Variants in MAGI1 observed in about 807,000 individuals in gnomAD.
MAGI1 encodes the protein membrane-associated guanylate kinase, WW and PDZ domain-containing protein 1.
Under a neutral mutation model 139.9 loss-of-function variants are expected in MAGI1, and 58 were observed. The ratio of observed to expected loss-of-function variants is 0.41; its 90% CI spans 0.34 to 0.52. The LOEUF (loss-of-function observed/expected upper bound fraction) is 0.52, where lower values mean the gene tolerates loss of function less well. Ranked by LOEUF, MAGI1 falls within the 20% of genes least tolerant of loss-of-function variation. The pLI, the probability that MAGI1 is intolerant of heterozygous loss-of-function variation, is 0.12. For synonymous variants in MAGI1, 812 were observed against 737.9 expected, an observed-to-expected ratio of 1.10 and a Z score of -1.63; for missense variants, 1,874 against 1,901.6, an observed-to-expected ratio of 0.99 and a Z score of 0.27.
At chr3:65,465,437 T>A (rs962527616) in intron 5 of MAGI1, among the ~76,000 whole-genome samples, 28 of 152,076 alleles carry the variant, frequency 1.8e-4, no homozygotes, top group African/African-American at 6.7e-4. Flanking sequence ...TGGCAGCAAA[T>A]TTTCTTAGTT....
chr3:65,430,159 TG>T lies in MAGI1; in HGVS notation c.1547-20del. 10 of 1,605,704 alleles carry T rather than the reference TG, an allele frequency of 6.2e-6. No homozygotes were observed. Among genetic ancestry groups the T allele is most frequent in the Non-Finnish European group, 8.5e-6 (10 of 1,173,540 alleles). ...ACATCCCCTGTAGAAGGCAAGAGTG[TG>T]GGGGTTAAGAAAACAGCACCCAGAA... On this transcript the variant is annotated intron_variant, in intron 11 of 22. Transcript: ENST00000402939.
intron 1 of MAGI1, among the ~76,000 whole-genome samples, chr3:65,933,918 G>A (rs573060511): frequency 1.3e-5 from 2 of 152,240 alleles, no homozygotes; most frequent in South Asian, 4.2e-4. Context: ...CTGAGGTCAG[G>A]AGTTCGAGAC....
chr3:65,785,446 TAAA>T (rs1387551191), intron 1 of MAGI1, among the ~76,000 whole-genome samples: 2 of 152,138 alleles, frequency 1.3e-5, no homozygotes, highest in Admixed American at 6.5e-5. Flanking sequence ...TATACACAGA[TAAA>T]AAGTAAATGT....
chr3:65,652,029 T>A (rs2085613928), intron 1 of MAGI1, among the ~76,000 whole-genome samples: 1 of 152,152 alleles, frequency 6.6e-6, no homozygotes, highest in South Asian at 2.1e-4. Flanking sequence ...AACAAAACAA[T>A]ATCTACTTCC....
intron 18 of MAGI1, 47 bp downstream of exon 18, chr3:65,375,698 G>A (rs1174093566): frequency 1.5e-6 from 2 of 1,309,670 alleles, no homozygotes; most frequent in African/African-American, 1.5e-5. Flanking sequence ...CAGAGACAGA[G>A]AGAGAGAAAA....
intron 2 of MAGI1, among the ~76,000 whole-genome samples, chr3:65,552,918 T>C (rs998895073): frequency 9.9e-5 from 15 of 152,210 alleles, no homozygotes; most frequent in Non-Finnish European, 1.5e-4. Flanking sequence ...TGTTCACAGA[T>C]GGTAAACGTA....
chr3:65,380,473 A>T (rs572438612), intron 16 of MAGI1, among the ~76,000 whole-genome samples: 1 of 152,322 alleles, frequency 6.6e-6, no homozygotes, highest in East Asian at 1.9e-4. Context: ...TCATTTTCCC[A>T]AATTGAAACT....
intron 2 of MAGI1, among the ~76,000 whole-genome samples, chr3:65,547,575 T>C (rs148083742): frequency 6.6e-6 from 1 of 152,282 alleles, no homozygotes; most frequent in East Asian, 1.9e-4. Flanking sequence ...ACTGCCCACT[T>C]TCTGCAAAGA....
intron 1 of MAGI1, among the ~76,000 whole-genome samples, chr3:65,860,646 G>C (rs1242077531): frequency 3.3e-5 from 5 of 152,208 alleles, no homozygotes; most frequent in Admixed American, 3.3e-4. Flanking sequence ...CCCTAGGATG[G>C]TGTCAAGAGT....
chr3:65,552,366 T>C (rs2079881702), intron 2 of MAGI1, among the ~76,000 whole-genome samples: 1 of 151,958 alleles, frequency 6.6e-6, no homozygotes, highest in Non-Finnish European at 1.5e-5. Context: ...AAAATGAGAA[T>C]TAAAAGCAAA....
intron 4 of MAGI1, among the ~76,000 whole-genome samples, chr3:65,471,065 T>C (rs990039349): frequency 2.6e-5 from 4 of 152,198 alleles, no homozygotes; most frequent in African/African-American, 7.2e-5. Context: ...GAGAGAGCTA[T>C]ACCAGTGAGT....
At chr3:65,510,113 C>G (rs1208572605) in intron 2 of MAGI1, among the ~76,000 whole-genome samples, 2 of 152,144 alleles carry the variant, frequency 1.3e-5, no homozygotes, top group Non-Finnish European at 2.9e-5. Context: ...AGAAGGAAAA[C>G]TAACAAACAG....
intron 1 of MAGI1, among the ~76,000 whole-genome samples, chr3:65,783,995 C>T (rs889708516): frequency 2.0e-5 from 3 of 151,894 alleles, no homozygotes; most frequent in African/African-American, 4.8e-5. Flanking sequence ...TCGTGGCAGG[C>T]ACCTGTAATC....
At chr3:65,502,905 T>C (rs771641664) in intron 2 of MAGI1, among the ~76,000 whole-genome samples, 1 of 151,996 alleles carries the variant, frequency 6.6e-6, no homozygotes, top group Non-Finnish European at 1.5e-5. Flanking sequence ...TCATACTACT[T>C]TGGAGGGTGG....
intron 1 of MAGI1, among the ~76,000 whole-genome samples, chr3:65,678,399 A>C (rs943693850): frequency 1.3e-5 from 2 of 152,180 alleles, no homozygotes; most frequent in African/African-American, 4.8e-5. Context: ...AAGTGAGAGT[A>C]GTTTTGCATT....
chr3:65,457,526 TA>T (rs1949481325), intron 5 of MAGI1, among the ~76,000 whole-genome samples: 2 of 152,328 alleles, frequency 1.3e-5, no homozygotes, highest in South Asian at 2.1e-4. Flanking sequence ...TTACAGTATA[TA>T]AGATCCAATA....
chr3:65,854,753 A>T (rs1243861306), intron 1 of MAGI1, among the ~76,000 whole-genome samples: 1 of 152,184 alleles, frequency 6.6e-6, no homozygotes, highest in Non-Finnish European at 1.5e-5. Context: ...CTCATCTGGT[A>T]GCACCATGAC....
chr3:65,672,364 T>C (rs2086913648), intron 1 of MAGI1, among the ~76,000 whole-genome samples: 1 of 152,238 alleles, frequency 6.6e-6, no homozygotes, highest in South Asian at 2.1e-4. Context: ...TTGTATATGC[T>C]AATTAAGCTC....
intron 12 of MAGI1, chr3:65,402,025 G>T: frequency 4.8e-6 from 2 of 413,344 alleles, no homozygotes; most frequent in Non-Finnish European, 6.5e-6. Context: ...AAACAAAGAC[G>T]GATGCTCTTT....
Sources: gnomAD v4.1 joint callset for allele counts (sites outside exome capture counted in the v4.1 genomes callset) on GRCh38, gnomAD v4.1.1 for gene constraint, MANE v1.5 for transcripts, NCBI Gene and HGNC (gene_info 2026-07-23, HGNC 2026-07-21) for gene names.